LRRC37A2: variants seen among roughly 807,000 people sequenced by gnomAD.
The protein encoded by LRRC37A2 is leucine rich repeat containing 37 member A2, also known as leucine-rich repeat-containing protein 37A2.
A neutral mutation model predicts 68.8 loss-of-function variants in LRRC37A2; 9 were observed. The observed-to-expected ratio is 0.13, with a 90% CI of 0.08 to 0.23. The LOEUF (loss-of-function observed/expected upper bound fraction) is 0.23, where lower values mean the gene tolerates loss of function less well. Among genes scored for constraint, LRRC37A2 ranks in the 10% least tolerant of loss-of-function variants. The pLI is 1.00. For missense variants in LRRC37A2, 168 were observed against 950.4 expected (o/e 0.18, Z 10.82); for synonymous variants, 63 against 367.6 (o/e 0.17, Z 9.48).
the LRRC37A2 span, among the ~76,000 whole-genome samples, chr17:46,889,320 C>G: frequency 1.3e-5 from 2 of 152,132 alleles, no homozygotes; most frequent in African/African-American, 2.4e-5. Context: ...CAGGAAGTGC[C>G]TCCCTGGGCG....
At chr17:46,846,856 G>A in the LRRC37A2 span, among the ~76,000 whole-genome samples, 2 of 152,218 alleles carry the variant, frequency 1.3e-5, no homozygotes, top group Non-Finnish European at 2.9e-5. Flanking sequence ...GGTGAGCTCT[G>A]CCAGCTCTGG....
the LRRC37A2 span, among the ~76,000 whole-genome samples, chr17:46,957,550 T>C: frequency 5.9e-5 from 9 of 152,022 alleles, no homozygotes; most frequent in African/African-American, 2.2e-4. Flanking sequence ...GAGGCAGAGG[T>C]TGCAGTGAGC....
chr17:46,774,253 A>G, the LRRC37A2 span, among the ~76,000 whole-genome samples: 1 of 152,266 alleles, frequency 6.6e-6, no homozygotes, highest in Non-Finnish European at 1.5e-5. Flanking sequence ...TTCTGGGTCC[A>G]GCTTCCCTGA....
At chr17:46,968,686 C>T in the LRRC37A2 span, 1 of 152,514 alleles carries the variant, frequency 6.6e-6, no homozygotes, top group African/African-American at 2.4e-5. Context: ...GGTCCCCTGC[C>T]CTCTGCCTGC....
At chr17:46,939,795 C>T in the LRRC37A2 span, 16 of 987,096 alleles carry the variant, frequency 1.6e-5, no homozygotes, top group East Asian at 5.7e-4. Flanking sequence ...TGACCAGCCC[C>T]GGATTCAGGC....
At chr17:46,935,940 G>A in the LRRC37A2 span, 6 of 985,770 alleles carry the variant, frequency 6.1e-6, no homozygotes, top group South Asian at 1.4e-4. Context: ...CAGCCACTGA[G>A]CTGTGAGAAA....
chr17:47,038,326 ATGTT>A, the LRRC37A2 span, among the ~76,000 whole-genome samples: 7 of 150,980 alleles, frequency 4.6e-5, no homozygotes, highest in Admixed American at 4.6e-4. Flanking sequence ...AAAAAACAAA[ATGTT>A]TGTGGCCAGA....
the LRRC37A2 span, among the ~76,000 whole-genome samples, chr17:46,952,153 A>G: frequency 2.0e-5 from 3 of 152,184 alleles, no homozygotes; most frequent in African/African-American, 4.8e-5. Context: ...TCTACCCAGC[A>G]TCTCGTCTTT....
the LRRC37A2 span, among the ~76,000 whole-genome samples, chr17:46,982,461 A>G: frequency 6.6e-6 from 1 of 152,196 alleles, no homozygotes; most frequent in Non-Finnish European, 1.5e-5. Flanking sequence ...CATCTATTAC[A>G]TGCCCAGTGC....
At chr17:46,927,652 A>G in the LRRC37A2 span, among the ~76,000 whole-genome samples, 10 of 152,194 alleles carry the variant, frequency 6.6e-5, no homozygotes, top group Non-Finnish European at 1.3e-4. Flanking sequence ...AAAAGCTCCC[A>G]AATAACGTGG....
At chr17:47,006,401 CAGG>C in the LRRC37A2 span, among the ~76,000 whole-genome samples, 1 of 152,122 alleles carries the variant, frequency 6.6e-6, no homozygotes, top group Non-Finnish European at 1.5e-5. Flanking sequence ...CACCTGAAGT[CAGG>C]AGTTCGAGAC....
the LRRC37A2 span, among the ~76,000 whole-genome samples, chr17:47,020,758 G>A: frequency 1.4e-5 from 1 of 70,896 alleles, no homozygotes; most frequent in East Asian, 3.7e-4. Context: ...CTCCAGCCTG[G>A]GTGACAGAGC....
At chr17:46,767,814 TCA>T in the LRRC37A2 span, among the ~76,000 whole-genome samples, 1 of 152,168 alleles carries the variant, frequency 6.6e-6, no homozygotes, top group Admixed American at 6.5e-5. Flanking sequence ...AGATGGAGTC[TCA>T]CTCTGTCGCC....
the LRRC37A2 span, among the ~76,000 whole-genome samples, chr17:46,766,478 C>T: frequency 6.6e-6 from 1 of 152,166 alleles, no homozygotes. Context: ...CTGGCGCTCC[C>T]AGGCCAGACA....
At chr17:46,748,893 C>T in the LRRC37A2 span, among the ~76,000 whole-genome samples, 5 of 152,084 alleles carry the variant, frequency 3.3e-5, no homozygotes, top group African/African-American at 1.2e-4. Context: ...CTCTGCATGG[C>T]CTAGCTGTAA....
At chr17:46,864,057 G>C in the LRRC37A2 span, among the ~76,000 whole-genome samples, 2 of 152,198 alleles carry the variant, frequency 1.3e-5, no homozygotes, top group Non-Finnish European at 2.9e-5. Context: ...AGGGGGTCAC[G>C]CACAAGGCAT....
the LRRC37A2 span, among the ~76,000 whole-genome samples, chr17:46,727,553 CCT>C: frequency 6.6e-6 from 1 of 152,030 alleles, no homozygotes; most frequent in African/African-American, 2.4e-5. Context: ...TGCTTTTGGT[CCT>C]CTGTTATTTA....
chr17:46,615,719 A>AC, the LRRC37A2 span, among the ~76,000 whole-genome samples: 1 of 49,436 alleles, frequency 2.0e-5, no homozygotes, highest in Admixed American at 1.7e-4. Context: ...CTTGCCTCAC[A>AC]AAAAAAAAAA....
At chr17:46,858,776 C>T in the LRRC37A2 span, among the ~76,000 whole-genome samples, 1 of 152,116 alleles carries the variant, frequency 6.6e-6, no homozygotes, top group Admixed American at 6.6e-5. Context: ...AAGTGATCCT[C>T]CTGCCTTAGC....
Sources: allele counts gnomAD v4.1 joint callset (sites outside exome capture counted in the v4.1 genomes callset), GRCh38; gene constraint gnomAD v4.1.1; transcripts MANE v1.5; gene names NCBI Gene and HGNC (gene_info 2026-07-23, HGNC 2026-07-21).